Variants in LRMDA observed in about 807,000 individuals in gnomAD.
LRMDA encodes leucine-rich melanocyte differentiation-associated protein.
LRMDA carries 18 observed loss-of-function variants against 29.8 expected under a neutral mutation model. The ratio of observed to expected loss-of-function variants is 0.60; its 90% CI spans 0.42 to 0.90. LRMDA has a LOEUF of 0.90. LRMDA is among the 40% of genes least tolerant of loss of function. The probability of loss-of-function intolerance (pLI) is 0.00; values close to 1 mark genes in which losing one functional copy is unlikely to be tolerated. For synonymous variants in LRMDA, 125 were observed against 109.4 expected, an observed-to-expected ratio of 1.14 and a Z score of -0.89; for missense variants, 273 against 273.9, an observed-to-expected ratio of 1.00 and a Z score of 0.02.
intron 5 of LRMDA, among the ~76,000 whole-genome samples, chr10:76,240,825 TACAC>T (rs1309838906): frequency 6.7e-4 from 15 of 22,358 alleles, no homozygotes; most frequent in South Asian, 5.2e-3. Context: ...TGTATATATA[TACAC>T]ATACATATAT....
chr10:75,446,428 TCATTGGGG>T (rs1420448693), intron 2 of LRMDA, among the ~76,000 whole-genome samples: 1 of 152,236 alleles, frequency 6.6e-6, no homozygotes, highest in African/African-American at 2.4e-5. Context: ...ACTATGGTTG[TCATTGGGG>T]CTCCTCACAG....
chr10:76,031,013 G>T (rs149044110), intron 2 of LRMDA, among the ~76,000 whole-genome samples: 625 of 152,314 alleles, frequency 4.1e-3, no homozygotes, highest in African/African-American at 0.014. Flanking sequence ...GTGGTGGGGG[G>T]AGTATAGGAG....
chr10:76,347,634 C>G (rs564805410), intron 6 of LRMDA, among the ~76,000 whole-genome samples: 1 of 152,272 alleles, frequency 6.6e-6, no homozygotes, highest in South Asian at 2.1e-4. Context: ...TCACCGAGTG[C>G]AGCACTGGAA....
intron 2 of LRMDA, among the ~76,000 whole-genome samples, chr10:75,817,686 T>C (rs865970592): frequency 7.2e-5 from 11 of 152,334 alleles, no homozygotes; most frequent in African/African-American, 2.4e-4. Flanking sequence ...ACATCTACTT[T>C]GTGTCTTTAA....
intron 2 of LRMDA, among the ~76,000 whole-genome samples, chr10:75,481,101 C>T (rs1291221068): frequency 6.6e-6 from 1 of 151,926 alleles, no homozygotes. Context: ...GTGGAAATGT[C>T]CAGGACACAG....
rs574937203 is a variant in LRMDA, at chr10:76,340,200, A to G, written c.601+15715A>G. On this transcript the variant is annotated intron_variant, in intron 6 of 6. Coordinates refer to ENST00000611255, the MANE Select transcript of LRMDA (RefSeq NM_001305581.2). The stretch of plus-strand genomic sequence containing the variant: ...TAAAAAAGAAAATGGGATTATATAT[A>G]AGGATGATGTTACTAGTTATAAAAA... 2.6e-4 allele frequency among the ~76,000 whole-genome samples: 40 copies of G among 152,254 alleles called. 1 individual carries two copies. In the South Asian group the frequency reaches 2.9e-3, roughly 11 times the overall value.
chr10:75,763,981 G>A (rs764950411), intron 2 of LRMDA, among the ~76,000 whole-genome samples: 4 of 152,140 alleles, frequency 2.6e-5, no homozygotes, highest in South Asian at 2.1e-4. Flanking sequence ...GGTATCAAGC[G>A]TGCTGTCTTT....
chr10:75,510,599 T>C (rs1845214620), intron 2 of LRMDA, among the ~76,000 whole-genome samples: 1 of 152,202 alleles, frequency 6.6e-6, no homozygotes, highest in African/African-American at 2.4e-5. Context: ...GATTGAGATT[T>C]GGATAGATGA....
chr10:76,379,916 T>C (rs929922013), intron 6 of LRMDA, among the ~76,000 whole-genome samples: 1 of 152,236 alleles, frequency 6.6e-6, no homozygotes, highest in Admixed American at 6.5e-5. Flanking sequence ...TGTCACTGTT[T>C]TCATTTGTTT....
At chr10:75,663,188 G>A (rs1274291565) in intron 2 of LRMDA, among the ~76,000 whole-genome samples, 5 of 152,196 alleles carry the variant, frequency 3.3e-5, no homozygotes, top group Non-Finnish European at 5.9e-5. Flanking sequence ...TCTTAGGGCA[G>A]GGATTGGGAT....
chr10:76,169,245 G>T (rs1025242439), intron 5 of LRMDA, among the ~76,000 whole-genome samples: 55 of 152,306 alleles, frequency 3.6e-4, no homozygotes, highest in African/African-American at 1.3e-3. Context: ...TCATTCCACA[G>T]TGCTTTCAGT....
In LRMDA at chr10:75,672,519, T is replaced by TCC. The variant is rs1564536217; in HGVS notation, c.131+234026_131+234027insCC. On this transcript the variant is annotated intron_variant, in intron 2 of 6. Transcript: ENST00000611255. ...AAGACACTTCCTTGTATTTTTCTTTTCTTTTCCTCCCCTCCCCTCCCCTCC... is the reference window on the plus strand; with the variant it reads ...AAGACACTTCCTTGTATTTTTCTTTTCCCTTTTCCTCCCCTCCCCTCCCCTCC... Among the ~76,000 whole-genome samples, 19 of 28,054 alleles carry TCC rather than the reference T, an allele frequency of 6.8e-4. 1 individual carries two copies. Among genetic ancestry groups the TCC allele is most frequent in the South Asian group, 3.7e-3 (2 of 538 alleles). The allele number at this position is 28,054 out of a possible 152,430, so 18.4% of individuals were successfully genotyped here.
At chr10:76,361,571 G>C (rs1199473411) in intron 6 of LRMDA, among the ~76,000 whole-genome samples, 2 of 152,114 alleles carry the variant, frequency 1.3e-5, no homozygotes, top group Admixed American at 1.3e-4. Context: ...CAAGTACCTG[G>C]CTTAGGGCAT....
At chr10:75,766,850 G>T (rs1039946856) in intron 2 of LRMDA, among the ~76,000 whole-genome samples, 3 of 151,884 alleles carry the variant, frequency 2.0e-5, no homozygotes, top group Non-Finnish European at 4.4e-5. Context: ...GTGTCCATGT[G>T]TTCTCCTTGT....
At chr10:75,900,666 C>CCCTGTA in intron 2 of LRMDA, among the ~76,000 whole-genome samples, 1 of 152,220 alleles carries the variant, frequency 6.6e-6, no homozygotes, top group South Asian at 2.1e-4. Context: ...CTTTCATGTA[C>CCCTGTA]CCACAGTTGC....
intron 5 of LRMDA, among the ~76,000 whole-genome samples, chr10:76,103,410 G>C (rs1251662931): frequency 6.6e-6 from 1 of 152,198 alleles, no homozygotes. Context: ...ATGACTCACT[G>C]CCCTTGACTG....
Position 76,522,788 on chromosome 10 carries a change from A to T in LRMDA, c.602-34421A>T, listed in dbSNP as rs567087919. On this transcript the variant is annotated intron_variant, in intron 6 of 6. Coordinates refer to ENST00000611255, the MANE Select transcript of LRMDA (RefSeq NM_001305581.2). ...ATGCTGCTGATTTCTGGTGCGGGCA[A>T]CTCCTGGGCAGGGACAAGGATGGCT... 3.9e-5 allele frequency among the ~76,000 whole-genome samples: 6 copies of T among 152,164 alleles called. No homozygotes were observed. In the Middle Eastern group the frequency reaches 0.01, roughly 259 times the overall value.
intron 5 of LRMDA, among the ~76,000 whole-genome samples, chr10:76,297,901 A>C (rs140796445): frequency 6.6e-6 from 1 of 152,346 alleles, no homozygotes; most frequent in Non-Finnish European, 1.5e-5. Context: ...TTATCCAGGT[A>C]CAAATAGGTA....
chr10:75,496,160 T>A (rs1207471270), intron 2 of LRMDA, among the ~76,000 whole-genome samples: 3 of 152,226 alleles, frequency 2.0e-5, no homozygotes, highest in Non-Finnish European at 4.4e-5. Flanking sequence ...CCAGGAGTTT[T>A]AAACAGAGAT....
Sources: allele counts gnomAD v4.1 joint callset (sites outside exome capture counted in the v4.1 genomes callset), GRCh38; gene constraint gnomAD v4.1.1; transcripts MANE v1.5; gene names NCBI Gene and HGNC (gene_info 2026-07-23, HGNC 2026-07-21).